CAMK1D: variants seen among roughly 807,000 people sequenced by gnomAD.
The protein encoded by CAMK1D is calcium/calmodulin dependent protein kinase ID.
CAMK1D carries 9 observed loss-of-function variants against 47.7 expected under a neutral mutation model. That is an observed-to-expected ratio of 0.19 (90% CI 0.11 to 0.33). The LOEUF (loss-of-function observed/expected upper bound fraction) is 0.33, where lower values mean the gene tolerates loss of function less well. CAMK1D is among the 10% of genes least tolerant of loss of function. The probability of loss-of-function intolerance (pLI) is 1.00; values close to 1 mark genes in which losing one functional copy is unlikely to be tolerated. For missense variants in CAMK1D, 291 were observed against 488.7 expected (o/e 0.60, Z 3.81); for synonymous variants, 184 against 184.9 (o/e 0.99, Z 0.04).
intron 1 of CAMK1D, among the ~76,000 whole-genome samples, chr10:12,397,628 G>A (rs1839010514): frequency 6.6e-6 from 1 of 152,178 alleles, no homozygotes; most frequent in African/African-American, 2.4e-5. Flanking sequence ...GCCTAGGTGA[G>A]TGCCTGGTAC....
At chr10:12,824,758 CA>C (rs1455663633) in intron 9 of CAMK1D, among the ~76,000 whole-genome samples, 2 of 152,194 alleles carry the variant, frequency 1.3e-5, no homozygotes, top group Non-Finnish European at 2.9e-5. Context: ...TCAAAGACAG[CA>C]ATAGTGCCAG....
chr10:12,563,972 A>AATAT (rs1837036443), intron 2 of CAMK1D, among the ~76,000 whole-genome samples: 1 of 152,164 alleles, frequency 6.6e-6, no homozygotes. Flanking sequence ...TTCCTCTAAT[A>AATAT]ATATATCTTG....
intron 1 of CAMK1D, among the ~76,000 whole-genome samples, chr10:12,501,872 A>G (rs888371886): frequency 2.6e-5 from 4 of 151,942 alleles, no homozygotes; most frequent in Non-Finnish European, 5.9e-5. Context: ...AAGCCATTTG[A>G]TGCTTTTGGA....
intron 1 of CAMK1D, among the ~76,000 whole-genome samples, chr10:12,549,448 C>T (rs1836507840): frequency 6.6e-6 from 1 of 152,166 alleles, no homozygotes; most frequent in South Asian, 2.1e-4. Flanking sequence ...ATCCATTTGT[C>T]CCCCAATGGA....
intron 6 of CAMK1D, among the ~76,000 whole-genome samples, chr10:12,813,968 T>C (rs1348322558): frequency 6.6e-6 from 1 of 151,418 alleles, no homozygotes; most frequent in Non-Finnish European, 1.5e-5. Flanking sequence ...TTGCATTTTT[T>C]AGTTGAGACG....
chr10:12,471,402 C>T (rs1833742600), intron 1 of CAMK1D, among the ~76,000 whole-genome samples: 1 of 152,132 alleles, frequency 6.6e-6, no homozygotes, highest in Non-Finnish European at 1.5e-5. Flanking sequence ...GGTGGTGAAC[C>T]TGTTTCTTAG....
In CAMK1D at chr10:12,822,954, CTG is replaced by C. The variant is rs571930829; in HGVS notation, c.834-1505_834-1504del. Among the ~76,000 whole-genome samples the C allele has an allele frequency of 4.6e-5, 7 of 152,302 alleles. No homozygotes were observed. The South Asian group carries it at 1.5e-3, about 32-fold the overall frequency. On this transcript the variant is annotated intron_variant, in intron 8 of 10. Coordinates refer to ENST00000619168, the MANE Select transcript of CAMK1D (RefSeq NM_153498.4). ...AGATATTTCCTGCACGTCCCCTTGG[CTG>C]TGTGTTTGCAGCCCTGCTGGGAAAA...
chr10:12,427,700 G>GTTTTTTTTT lies in CAMK1D; in HGVS notation c.92+77807_92+77815dup, dbSNP rs768000055. Among the ~76,000 whole-genome samples the GTTTTTTTTT allele has an allele frequency of 7.7e-4, 24 of 31,030 alleles. 2 individuals carry two copies. The highest frequency in any genetic ancestry group is 9.9e-4 in the Non-Finnish European group (16 of 16,180). The allele number at this position is 31,030 out of a possible 152,430, so 20.4% of individuals were successfully genotyped here. A position where few individuals can be genotyped will look rare whatever the true frequency, so the allele number is the denominator to read the frequency against. On this transcript the variant is annotated intron_variant, in intron 1 of 10. Coordinates refer to ENST00000619168, the MANE Select transcript of CAMK1D (RefSeq NM_153498.4). ...CTTTCCTGGCTTCACTGAACTTACT[G>GTTTTTTTTT]TTTTTTTTTTTTTTTTTTTTTTTTT...
chr10:12,777,193 G>A (rs1318888860), intron 5 of CAMK1D, among the ~76,000 whole-genome samples: 3 of 152,098 alleles, frequency 2.0e-5, no homozygotes, highest in African/African-American at 2.4e-5. Context: ...AGGGGGACAA[G>A]CTGGATCCCG....
At chr10:12,508,126 C>G (rs1182221613) in intron 1 of CAMK1D, among the ~76,000 whole-genome samples, 1 of 152,210 alleles carries the variant, frequency 6.6e-6, no homozygotes, top group Non-Finnish European at 1.5e-5. Context: ...AATCCAGATG[C>G]TGCCTGTTCT....
chr10:12,582,252 A>G lies in CAMK1D; in HGVS notation c.224+28896A>G, dbSNP rs150241111. The stretch of plus-strand genomic sequence containing the variant: ...TTCTGTTTCATTGGTCTATGTGCCT[A>G]TTTTTATACCAGTACCATGCTGTTT... On this transcript the variant is annotated intron_variant, in intron 2 of 10. Transcript: ENST00000619168. 2.4e-3 allele frequency among the ~76,000 whole-genome samples: 367 copies of G among 152,168 alleles called. 8 individuals are homozygous for G. The East Asian group carries it at 0.056, about 23-fold the overall frequency.
At chr10:12,501,308 T>C (rs1039957734) in intron 1 of CAMK1D, among the ~76,000 whole-genome samples, 3 of 152,220 alleles carry the variant, frequency 2.0e-5, no homozygotes, top group African/African-American at 7.2e-5. Context: ...GTGCACTGGC[T>C]GAAACTCACT....
intron 1 of CAMK1D, among the ~76,000 whole-genome samples, chr10:12,388,609 T>C (rs781431604): frequency 7.2e-5 from 11 of 152,222 alleles, no homozygotes; most frequent in Non-Finnish European, 1.3e-4. Flanking sequence ...TGTCTGCTAA[T>C]TGCAGAGGTT....
intron 3 of CAMK1D, among the ~76,000 whole-genome samples, chr10:12,723,803 A>G (rs1187165011): frequency 6.6e-6 from 1 of 152,088 alleles, no homozygotes; most frequent in African/African-American, 2.4e-5. Flanking sequence ...GTACATGTGC[A>G]CAATGTGCAG....
intron 1 of CAMK1D, among the ~76,000 whole-genome samples, chr10:12,551,043 C>A (rs1836560422): frequency 6.6e-6 from 1 of 152,206 alleles, no homozygotes; most frequent in Non-Finnish European, 1.5e-5. Flanking sequence ...ATCTCTTTGA[C>A]AGTGACTAAA....
chr10:12,412,634 A>G (rs1017244958), intron 1 of CAMK1D, among the ~76,000 whole-genome samples: 7 of 148,642 alleles, frequency 4.7e-5, no homozygotes, highest in Admixed American at 4.0e-4. Flanking sequence ...AAAAAAAAAA[A>G]AAAAAAGTCG....
intron 2 of CAMK1D, among the ~76,000 whole-genome samples, chr10:12,637,507 C>A (rs1418933117): frequency 6.6e-6 from 1 of 151,936 alleles, no homozygotes; most frequent in Non-Finnish European, 1.5e-5. Flanking sequence ...TTTATCTCAT[C>A]TGTGGCCAGC....
At chr10:12,567,765 A>T (rs942345377) in intron 2 of CAMK1D, among the ~76,000 whole-genome samples, 7 of 152,020 alleles carry the variant, frequency 4.6e-5, no homozygotes, top group African/African-American at 1.7e-4. Context: ...TCCTGGTAGG[A>T]CCTCTTCCAG....
intron 2 of CAMK1D, among the ~76,000 whole-genome samples, chr10:12,640,513 T>C (rs1337936190): frequency 1.3e-5 from 2 of 152,218 alleles, no homozygotes. Context: ...GGGATCTTAT[T>C]TGCAAGCCTA....
Sources: gnomAD v4.1 joint callset for allele counts (sites outside exome capture counted in the v4.1 genomes callset) on GRCh38, gnomAD v4.1.1 for gene constraint, MANE v1.5 for transcripts, NCBI Gene and HGNC (gene_info 2026-07-23, HGNC 2026-07-21) for gene names.